The following CELSR1 variants were observed in gnomAD, a reference collection of about 807,000 sequenced individuals.
The protein encoded by CELSR1 is cadherin EGF LAG seven-pass G-type receptor 1.
Under a neutral mutation model 249.1 loss-of-function variants are expected in CELSR1, and 110 were observed. That is an observed-to-expected ratio of 0.44 (90% confidence interval 0.38 to 0.52). The LOEUF is 0.52. CELSR1 is among the 20% of genes least tolerant of loss of function. The pLI is 0.00. For synonymous variants in CELSR1, 2,113 were observed against 1,900.0 expected (o/e 1.11, Z -2.92); for missense variants, 4,109 against 4,296.4 (o/e 0.96, Z 1.22).
intron 1 of CELSR1, among the ~76,000 whole-genome samples, chr22:46,503,386 C>T (rs535143796): frequency 6.6e-6 from 1 of 152,354 alleles, no homozygotes; most frequent in African/African-American, 2.4e-5. Context: ...TTCTGTTTCC[C>T]AGCCTGGGTG....
intron 1 of CELSR1, chr22:46,481,596 C>A: frequency 1.3e-6 from 1 of 777,584 alleles, no homozygotes; most frequent in Non-Finnish European, 2.3e-6. Flanking sequence ...ACTGGTGCAC[C>A]TGCTCCGTGG....
chr22:46,463,666 G>T, intron 2 of CELSR1, 41 bp downstream of exon 2: 1 of 1,478,358 alleles, frequency 6.8e-7, no homozygotes, highest in East Asian at 2.4e-5. Flanking sequence ...CATGTGACCT[G>T]GGGACATGTA....
chr22:46,489,853 C>T (rs892999413), intron 1 of CELSR1, among the ~76,000 whole-genome samples: 1 of 151,536 alleles, frequency 6.6e-6, no homozygotes, highest in Admixed American at 6.6e-5. Context: ...CAAAATTGCG[C>T]CACTGCACTC....
chr22:46,448,640 G>A lies in CELSR1; in HGVS notation c.4184-9229C>T. On this transcript the variant is annotated intron_variant, in intron 2 of 34. Transcript: ENST00000674500. This position sits in a 1 kb window ranked among gnomAD's most constrained non-coding sequence, Gnocchi z 5.7. Reference sequence around the variant, plus strand: ...GGTAAAACTCAAGCACTTGATGAAGGCTTAGTTTATGCAGAATTAACGATC... The same window carrying A: ...GGTAAAACTCAAGCACTTGATGAAGACTTAGTTTATGCAGAATTAACGATC... 2.6e-6 allele frequency: 1 copy of A among 389,224 alleles called. No homozygotes were observed. The highest frequency in any genetic ancestry group is 5.1e-6 in the Non-Finnish European group (1 of 196,800). 24.1% of individuals were successfully genotyped at this position (389,224 alleles called of 1,614,324 possible). A position where few individuals can be genotyped will look rare whatever the true frequency, so the allele number is the denominator to read the frequency against.
chr22:46,404,765 A>G (rs976624143), intron 9 of CELSR1, among the ~76,000 whole-genome samples: 41 of 152,084 alleles, frequency 2.7e-4, no homozygotes, highest in African/African-American at 9.9e-4. Flanking sequence ...GTAGGATTAC[A>G]TCCATGAGCC....
In CELSR1 at chr22:46,490,054, C is replaced by G. The variant is rs2080353039; in HGVS notation, c.3545-25709G>C. Among the ~76,000 whole-genome samples, 1 of 152,158 alleles carries G rather than the reference C, an allele frequency of 6.6e-6. No homozygotes were observed. The highest frequency in any genetic ancestry group is 1.5e-5 in the Non-Finnish European group (1 of 68,026). On this transcript the variant is annotated intron_variant, in intron 1 of 34. Coordinates refer to ENST00000674500, the MANE Select transcript of CELSR1 (RefSeq NM_001378328.1). This position sits in a 1 kb window ranked among gnomAD's most constrained non-coding sequence, Gnocchi z 5.2. ...CAGTGGGAACACCTAACGTGGCCACCCCACAGGGCTGCACAGAGACCCAGT... is the reference window on the plus strand; with the variant it reads ...CAGTGGGAACACCTAACGTGGCCACGCCACAGGGCTGCACAGAGACCCAGT...
chr22:46,410,816 C>T lies in CELSR1; in HGVS notation c.4770-255G>A, dbSNP rs936051018. Among the ~76,000 whole-genome samples the T allele has an allele frequency of 6.6e-6, 1 of 151,986 alleles. No homozygotes were observed. Among genetic ancestry groups the T allele is most frequent in the Admixed American group, 6.6e-5 (1 of 15,266 alleles). On this transcript the variant is annotated intron_variant, in intron 6 of 34. Transcript: ENST00000674500. This position sits in a 1 kb window ranked among gnomAD's most constrained non-coding sequence, Gnocchi z 6.8. ...ACCAGTGACCACCAAGCCCCGCCCA[C>T]CCAGGCTGGTCCACACCGAGACAGG...
intron 23 of CELSR1, among the ~76,000 whole-genome samples, chr22:46,378,219 G>A (rs2078939293): frequency 6.6e-6 from 1 of 152,224 alleles, no homozygotes; most frequent in African/African-American, 2.4e-5. Context: ...CAAAGCAGGT[G>A]GGGAGCGGCA....
intron 24 of CELSR1, among the ~76,000 whole-genome samples, chr22:46,375,349 C>T (rs547928972): frequency 3.4e-4 from 52 of 152,200 alleles, no homozygotes; most frequent in African/African-American, 1.2e-3. Context: ...ACTACTCATT[C>T]TCCCTTCTGG....
In CELSR1 at chr22:46,500,112, A is replaced by G. The variant is rs2080451998; in HGVS notation, c.3544+33515T>C. ...CACCCCAGCCCCTGATCCTCCCAGCATGATCCCACCCCAGCCCCTGGTCCT... is the reference window on the plus strand; with the variant it reads ...CACCCCAGCCCCTGATCCTCCCAGCGTGATCCCACCCCAGCCCCTGGTCCT... On this transcript the variant is annotated intron_variant, in intron 1 of 34. Transcript: ENST00000674500. The surrounding 1 kb of genome is among the most constrained non-coding windows in gnomAD (Gnocchi z 4.9). 1.4e-5 allele frequency among the ~76,000 whole-genome samples: 2 copies of G among 140,432 alleles called. No homozygotes were observed. Among genetic ancestry groups the G allele is most frequent in the Non-Finnish European group, 3.0e-5 (2 of 65,988 alleles). The allele number at this position is 140,432 out of a possible 152,430, so 92.1% of individuals were successfully genotyped here.
At position 46,367,095 on chromosome 22, in the gene CELSR1, G is replaced by A. The variant is rs759558935; in HGVS notation, c.8103C>T (p.His2701=). The A allele has an allele frequency of 6.2e-7, 1 of 1,611,472 alleles. No homozygotes were observed. Among genetic ancestry groups the A allele is most frequent in the African/African-American group, 1.3e-5 (1 of 74,898 alleles). ...TCCGGACCTCCTGGTTGAGCACGCA[G>A]TGGAAAAGGAGGACGAAGGGGCCCT... ...GLQGPFVLLF[H]CVLNQEVRKH... is the part of the protein sequence containing the mutation. The change falls in exon 29 of 35, where the codon CAC becomes CAT. Residue 2701 remains histidine (H), a synonymous_variant. Transcript: ENST00000674500.
chr22:46,482,305 C>T (rs930070765), intron 1 of CELSR1, among the ~76,000 whole-genome samples: 19 of 152,032 alleles, frequency 1.2e-4, no homozygotes, highest in African/African-American at 3.6e-4. Flanking sequence ...GGAGAAAGAG[C>T]TTATGGGGAC....
intron 1 of CELSR1, among the ~76,000 whole-genome samples, chr22:46,469,651 G>C (rs1363371461): frequency 6.6e-6 from 1 of 151,826 alleles, no homozygotes; most frequent in East Asian, 2.0e-4. Flanking sequence ...AAGTAGCTGG[G>C]ATTACAGACG....
rs1053285198 is a variant in CELSR1 at position 46,407,911 on chromosome 22, G to A, written c.5226+1085C>T. Among the ~76,000 whole-genome samples the A allele has an allele frequency of 2.6e-5, 4 of 152,222 alleles. No homozygotes were observed. The South Asian group carries it at 6.2e-4, about 24-fold the overall frequency. On this transcript the variant is annotated intron_variant, in intron 9 of 34. Coordinates refer to ENST00000674500, the MANE Select transcript of CELSR1 (RefSeq NM_001378328.1). This position sits in a 1 kb window ranked among gnomAD's most constrained non-coding sequence, Gnocchi z 4.8. The stretch of plus-strand genomic sequence containing the variant: ...CCCGTGCCCCGCCATCACTACAGAC[G>A]AGAATGACCTTCAGATGCACAGGCA...
intron 1 of CELSR1, among the ~76,000 whole-genome samples, chr22:46,520,048 T>C (rs1652551887): frequency 6.6e-6 from 1 of 151,226 alleles, no homozygotes; most frequent in Admixed American, 6.6e-5. Flanking sequence ...ATTTTTGTAT[T>C]TTTTTAGTAG....
rs1354713629 is a variant in CELSR1, at chr22:46,439,416, G to A, written c.4184-5C>T. The A allele has an allele frequency of 6.2e-7, 1 of 1,608,732 alleles. No homozygotes were observed. The highest frequency in any genetic ancestry group is 8.5e-7 in the Non-Finnish European group (1 of 1,178,408). Reference sequence around the variant, plus strand: ...CATCCACCTCACAGTGCTCTCCTGGGGGGCGAGAGGAAGATGCCAGAGAGG... The same window carrying A: ...CATCCACCTCACAGTGCTCTCCTGGAGGGCGAGAGGAAGATGCCAGAGAGG... On this transcript the variant is annotated splice_polypyrimidine_tract_variant and splice_region_variant and intron_variant, in intron 2 of 34. Transcript: ENST00000674500.
rs1363361149 is a variant in CELSR1, at chr22:46,428,331, C to T, written c.4611+5062G>A. ...CTTCATTGCGTGTGGTCTAGCCACC[C>T]GTGGCCAGCATGGCGATCGCGACCA... On this transcript the variant is annotated intron_variant, in intron 5 of 34. Coordinates refer to ENST00000674500, the MANE Select transcript of CELSR1 (RefSeq NM_001378328.1). The surrounding 1 kb of genome is among the most constrained non-coding windows in gnomAD (Gnocchi z 5.7). Among the ~76,000 whole-genome samples, 1 of 152,218 alleles carries T rather than the reference C, an allele frequency of 6.6e-6. No individual in the cohort carries two copies. The highest frequency in any genetic ancestry group is 2.1e-4 in the South Asian group (1 of 4,832).
intron 2 of CELSR1, among the ~76,000 whole-genome samples, chr22:46,439,941 A>ACACAGACCCCTCG (rs2079723755): frequency 6.7e-6 from 1 of 150,268 alleles, no homozygotes; most frequent in African/African-American, 2.5e-5. Flanking sequence ...CCCACCCCTC[A>ACACAGACCCCTCG]CACAGACCCC....
At chr22:46,378,086 G>T (rs563855207) in intron 23 of CELSR1, among the ~76,000 whole-genome samples, 1 of 152,308 alleles carries the variant, frequency 6.6e-6, no homozygotes, top group Admixed American at 6.5e-5. Flanking sequence ...CACAATGGCC[G>T]GCTCACATTC....
Sources: allele counts gnomAD v4.1 joint callset (sites outside exome capture counted in the v4.1 genomes callset), GRCh38; gene constraint gnomAD v4.1.1; non-coding constraint Gnocchi (gnomAD v3.1); transcripts MANE v1.5; gene names NCBI Gene and HGNC (gene_info 2026-07-23, HGNC 2026-07-21).